Variants in MALRD1 observed in about 807,000 individuals in gnomAD.
MALRD1 encodes the protein MAM and LDL receptor class A domain containing 1.
In MALRD1, 247 loss-of-function variants were observed where a neutral mutation model predicts 242.1. That is an observed-to-expected ratio of 1.02 (90% CI 0.92 to 1.13). The LOEUF (loss-of-function observed/expected upper bound fraction) is 1.13. MALRD1 is among the 50% of genes most tolerant of loss of function. The pLI, the probability that MALRD1 is intolerant of heterozygous loss-of-function variation, is 0.00. For missense variants in MALRD1, 2,989 were observed against 2,533.1 expected, an observed-to-expected ratio of 1.18 and a Z score of -3.86; for synonymous variants, 995 against 866.6, an observed-to-expected ratio of 1.15 and a Z score of -2.60.
At chr10:19,567,201 A>G (rs936519479) in intron 32 of MALRD1, among the ~76,000 whole-genome samples, 2 of 152,268 alleles carry the variant, frequency 1.3e-5, no homozygotes, top group East Asian at 3.9e-4. Flanking sequence ...GCAATAAAAA[A>G]ATTTGTGTTT....
chr10:19,345,979 C>G (rs889854161), intron 24 of MALRD1, among the ~76,000 whole-genome samples: 1 of 151,954 alleles, frequency 6.6e-6, no homozygotes, highest in Non-Finnish European at 1.5e-5. Flanking sequence ...GAGACAAAGT[C>G]TCACTTTGTT....
At chr10:19,656,310 T>C (rs1389849471) in intron 36 of MALRD1, among the ~76,000 whole-genome samples, 1 of 152,168 alleles carries the variant, frequency 6.6e-6, no homozygotes, top group Non-Finnish European at 1.5e-5. Flanking sequence ...TCTATGAAAG[T>C]TCAATTATTT....
At chr10:19,519,555 G>A (rs1301874996) in intron 31 of MALRD1, among the ~76,000 whole-genome samples, 1 of 152,106 alleles carries the variant, frequency 6.6e-6, no homozygotes, top group Non-Finnish European at 1.5e-5. Context: ...GACTACTTGA[G>A]CCCAGGAATT....
intron 26 of MALRD1, among the ~76,000 whole-genome samples, chr10:19,377,221 A>G (rs1006917553): frequency 3.9e-5 from 6 of 152,192 alleles, no homozygotes; most frequent in African/African-American, 9.6e-5. Flanking sequence ...GAATAGTAAC[A>G]TCACTTCAAA....
At chr10:19,413,769 G>A (rs1408198226) in intron 28 of MALRD1, among the ~76,000 whole-genome samples, 1 of 151,800 alleles carries the variant, frequency 6.6e-6, no homozygotes, top group African/African-American at 2.4e-5. Context: ...GGATCACAAG[G>A]TCAGGAGTTT....
At chr10:19,461,353 G>T (rs1835933220) in intron 29 of MALRD1, among the ~76,000 whole-genome samples, 1 of 152,080 alleles carries the variant, frequency 6.6e-6, no homozygotes, top group South Asian at 2.1e-4. Flanking sequence ...AAGTGTGCTT[G>T]GAGTTTTTTC....
At position 19,491,551 on chromosome 10, in the gene MALRD1, T is replaced by C; in HGVS notation, c.5064T>C (p.Thr1688=). Residue 1688 remains threonine (T), a synonymous_variant, in exon 30 of 40, where the codon ACT becomes ACC. Coordinates refer to ENST00000454679, the MANE Select transcript of MALRD1 (RefSeq NM_001142308.3). ...TCTCTGAGCTTTGTCCGGAAATCAC[T>C]GATTTTTTGTGCCGGGACAAGAAGT... ...GEISELCPEI[T]DFLCRDKKCI... 1 of 1,550,240 alleles carries C rather than the reference T, an allele frequency of 6.5e-7. No individual in the cohort carries two copies. Among genetic ancestry groups the C allele is most frequent in the Non-Finnish European group, 8.7e-7 (1 of 1,146,852 alleles).
intron 19 of MALRD1, among the ~76,000 whole-genome samples, chr10:19,262,968 T>G (rs1839820415): frequency 6.6e-6 from 1 of 152,164 alleles, no homozygotes; most frequent in Non-Finnish European, 1.5e-5. Context: ...ATTTCTTGAT[T>G]TTTTTAAAGC....
At chr10:19,597,486 T>C (rs1838151857) in intron 34 of MALRD1, among the ~76,000 whole-genome samples, 1 of 152,140 alleles carries the variant, frequency 6.6e-6, no homozygotes, top group Non-Finnish European at 1.5e-5. Flanking sequence ...AATAAGAGAA[T>C]TCAGTGGCCA....
intron 36 of MALRD1, among the ~76,000 whole-genome samples, chr10:19,619,092 G>A (rs1418437892): frequency 6.6e-6 from 1 of 152,038 alleles, no homozygotes; most frequent in Non-Finnish European, 1.5e-5. Flanking sequence ...TTATCTCCTA[G>A]CCATCACGAA....
intron 33 of MALRD1, among the ~76,000 whole-genome samples, chr10:19,568,779 G>A (rs1056277127): frequency 6.6e-6 from 1 of 151,936 alleles, no homozygotes; most frequent in Non-Finnish European, 1.5e-5. Flanking sequence ...TAGATTTAAT[G>A]ATAACACCTT....
intron 17 of MALRD1, among the ~76,000 whole-genome samples, chr10:19,206,104 T>C (rs992416023): frequency 1.3e-5 from 2 of 151,064 alleles, no homozygotes; most frequent in African/African-American, 4.8e-5. Context: ...TTATTAAATT[T>C]ATTTAATAAG....
intron 21 of MALRD1, 55 bp from the exon 22 acceptor site, chr10:19,323,894 A>G: frequency 6.6e-7 from 1 of 1,510,070 alleles, no homozygotes; most frequent in Non-Finnish European, 9.0e-7. Flanking sequence ...TACAGGCGTG[A>G]GCCACCGTGC....
Position 19,088,030 on chromosome 10 carries a change from T to G in MALRD1, c.442T>G (p.Phe148Val). ...TACTAATTGTCTTTCACAGATTACA[T>G]TTTATTACTTCTCCTGCCAAGTGAG... ...TNDQHDCQIT[F>V]YYFSCQVSGK... Residue 148 changes from phenylalanine to valine, a missense_variant, in exon 4 of 40, where the codon TTT becomes GTT. By Grantham distance (50) the Phe-to-Val change is conservative (BLOSUM62 -1). Transcript: ENST00000454679. 8.1e-7 allele frequency: 1 copy of G among 1,233,520 alleles called. No homozygotes were observed. Among genetic ancestry groups the G allele is most frequent in the Non-Finnish European group, 1.0e-6 (1 of 987,868 alleles). 76.4% of individuals were successfully genotyped at this position (1,233,520 alleles called of 1,614,324 possible).
intron 36 of MALRD1, among the ~76,000 whole-genome samples, chr10:19,648,764 T>C (rs1244088662): frequency 6.6e-6 from 1 of 152,170 alleles, no homozygotes; most frequent in East Asian, 1.9e-4. Context: ...CTTATAGTTT[T>C]GGGAGTAAAT....
At chr10:19,391,062 T>A (rs1846316021) in intron 28 of MALRD1, among the ~76,000 whole-genome samples, 1 of 152,198 alleles carries the variant, frequency 6.6e-6, no homozygotes, top group Non-Finnish European at 1.5e-5. Context: ...GTATTTACAT[T>A]TCAATTATGT....
chr10:19,458,123 A>G (rs1330546572), intron 29 of MALRD1, among the ~76,000 whole-genome samples: 2 of 152,130 alleles, frequency 1.3e-5, no homozygotes, highest in African/African-American at 4.8e-5. Flanking sequence ...CACTTGATAT[A>G]ATTTGTTAAA....
In MALRD1 at chr10:19,330,237, AT is replaced by A. The variant is rs996856028; in HGVS notation, c.3688-1122del. Among the ~76,000 whole-genome samples the A allele has an allele frequency of 3.6e-3, 539 of 148,686 alleles. 3 individuals are homozygous for A. Among genetic ancestry groups the A allele is most frequent in the African/African-American group, 8.2e-3 (332 of 40,664 alleles). ...GAAGTCAATATATGAACACAGTTAT[AT>A]TTTTTTTTTGATAATGTGAGAGGCA... is the stretch of plus-strand genomic sequence containing the variant. On this transcript the variant is annotated intron_variant, in intron 23 of 39. Coordinates refer to ENST00000454679, the MANE Select transcript of MALRD1 (RefSeq NM_001142308.3).
chr10:19,384,384 C>A (rs1845973904), intron 26 of MALRD1, among the ~76,000 whole-genome samples: 4 of 103,236 alleles, frequency 3.9e-5, no homozygotes, highest in Non-Finnish European at 5.4e-5. Context: ...ATAATATTTA[C>A]TATATATTAT....
Sources: allele counts gnomAD v4.1 joint callset (sites outside exome capture counted in the v4.1 genomes callset), GRCh38; gene constraint gnomAD v4.1.1; transcripts MANE v1.5; gene names NCBI Gene and HGNC (gene_info 2026-07-23, HGNC 2026-07-21).